The following RBFOX1 variants were observed in gnomAD, a reference collection of about 807,000 sequenced individuals.
RBFOX1 encodes RNA binding fox-1 homolog 1.
In RBFOX1, 8 loss-of-function variants were observed where a neutral mutation model predicts 57.7. The observed-to-expected ratio is 0.14, with a 90% confidence interval of 0.08 to 0.25. RBFOX1 has a LOEUF of 0.25. Ranked by LOEUF, RBFOX1 falls within the 10% of genes least tolerant of loss-of-function variation. RBFOX1 has a pLI of 1.00. For missense variants in RBFOX1, 611 were observed against 548.5 expected (o/e 1.11, Z -1.14); for synonymous variants, 326 against 222.4 (o/e 1.47, Z -4.15).
chr16:6,913,442 C>T (rs968070429), intron 3 of RBFOX1, among the ~76,000 whole-genome samples: 6 of 152,108 alleles, frequency 3.9e-5, no homozygotes, highest in Admixed American at 1.3e-4. Context: ...CTCTCATATC[C>T]CCCACCAGAC....
In RBFOX1 at chr16:5,993,868, G is replaced by C. The variant is rs148140270; in HGVS notation, c.351+126533G>C. 1.8e-4 allele frequency among the ~76,000 whole-genome samples: 28 copies of C among 152,272 alleles called. No individual in the cohort carries two copies. The East Asian group carries it at 4.6e-3, about 25-fold the overall frequency. On this transcript the variant is annotated intron_variant, in intron 4 of 19. Coordinates refer to the RBFOX1 transcript ENST00000641259. ...AATATAGGATAGGTAAGTCTGGGAA[G>C]ATGATGTATATTAATTCTTATTTAG...
intron 1 of RBFOX1, among the ~76,000 whole-genome samples, chr16:5,427,987 C>T (rs114375483): frequency 6.6e-6 from 1 of 152,188 alleles, no homozygotes; most frequent in African/African-American, 2.4e-5. Context: ...CTGCCATCCA[C>T]ACTGACATTG....
chr16:7,293,099 T>C (rs1002596458), intron 4 of RBFOX1, among the ~76,000 whole-genome samples: 1 of 152,204 alleles, frequency 6.6e-6, no homozygotes, highest in African/African-American at 2.4e-5. Context: ...ATGTGATAGA[T>C]ACCGTTGACC....
intron 2 of RBFOX1, among the ~76,000 whole-genome samples, chr16:6,355,344 C>T (rs1231140092): frequency 1.3e-5 from 2 of 151,408 alleles, no homozygotes; most frequent in African/African-American, 4.9e-5. Flanking sequence ...TCCATGTGTT[C>T]TCGTTGTTCA....
intron 1 of RBFOX1, among the ~76,000 whole-genome samples, chr16:5,429,644 G>C (rs530740567): frequency 6.6e-6 from 1 of 152,252 alleles, no homozygotes; most frequent in East Asian, 1.9e-4. Flanking sequence ...ATGAGGTGTG[G>C]GTGGCACAAA....
At position 7,118,661 on chromosome 16, in the gene RBFOX1, G is replaced by A. The variant is rs544093714; in HGVS notation, c.27+66563G>A. Among the ~76,000 whole-genome samples the A allele has an allele frequency of 7.2e-4, 110 of 152,232 alleles. No homozygotes were observed. The South Asian group carries it at 0.012, about 16-fold the overall frequency. ...GTCATATTCCATTGGTTAGAAACAAGTTGTGGGTCCTGCTCACATTCAAGG... is the reference window on the plus strand; with the variant it reads ...GTCATATTCCATTGGTTAGAAACAAATTGTGGGTCCTGCTCACATTCAAGG... On this transcript the variant is annotated intron_variant, in intron 4 of 15. Coordinates refer to ENST00000550418, the MANE Select transcript of RBFOX1 (RefSeq NM_018723.4).
intron 4 of RBFOX1, among the ~76,000 whole-genome samples, chr16:7,491,938 T>C (rs1044356656): frequency 1.3e-5 from 2 of 152,214 alleles, no homozygotes; most frequent in African/African-American, 4.8e-5. Context: ...GTGTTCCTTT[T>C]TTGTCATTCT....
At chr16:6,330,119 A>C (rs1308249968) in intron 2 of RBFOX1, among the ~76,000 whole-genome samples, 1 of 152,204 alleles carries the variant, frequency 6.6e-6, no homozygotes, top group Non-Finnish European at 1.5e-5. Context: ...TCTGTAGTTT[A>C]ATACTACATA....
At chr16:5,532,530 G>A (rs2044528342) in intron 2 of RBFOX1, among the ~76,000 whole-genome samples, 1 of 152,210 alleles carries the variant, frequency 6.6e-6, no homozygotes, top group African/African-American at 2.4e-5. Context: ...AATGGATAGT[G>A]TCATATCATT....
chr16:6,865,737 C>G lies in RBFOX1; in HGVS notation c.-15-186320C>G, dbSNP rs139963986. Among the ~76,000 whole-genome samples the G allele has an allele frequency of 5.8e-3, 885 of 152,158 alleles. 28 individuals are homozygous for G. Among genetic ancestry groups the G allele is most frequent in the Admixed American group, 0.04 (616 of 15,268 alleles). On this transcript the variant is annotated intron_variant, in intron 3 of 15. Transcript: ENST00000550418. Reference sequence around the variant, plus strand: ...TGCCTCTCATTTGCTATTTTATCACCTTTCACAAATAGGTTTATTTGTTGT... The same window carrying G: ...TGCCTCTCATTTGCTATTTTATCACGTTTCACAAATAGGTTTATTTGTTGT...
chr16:6,499,041 ATTAAC>A (rs143539914), intron 2 of RBFOX1, among the ~76,000 whole-genome samples: 63 of 152,328 alleles, frequency 4.1e-4, no homozygotes, highest in African/African-American at 1.5e-3. Flanking sequence ...CAGGTTAGTA[ATTAAC>A]TTATGTCACC....
intron 3 of RBFOX1, among the ~76,000 whole-genome samples, chr16:6,695,705 TG>T (rs2060944519): frequency 6.6e-6 from 1 of 152,208 alleles, no homozygotes; most frequent in African/African-American, 2.4e-5. Flanking sequence ...AGAAAGTGAA[TG>T]ACTGTCACTT....
At chr16:6,066,125 C>T (rs1299365443) in intron 1 of RBFOX1, among the ~76,000 whole-genome samples, 5 of 151,768 alleles carry the variant, frequency 3.3e-5, no homozygotes, top group African/African-American at 1.2e-4. Flanking sequence ...GAAACCCCCT[C>T]TCTACTAAAA....
intron 1 of RBFOX1, among the ~76,000 whole-genome samples, chr16:6,045,823 A>G (rs940361601): frequency 2.0e-5 from 3 of 152,220 alleles, no homozygotes; most frequent in Admixed American, 6.5e-5. Context: ...TTCTTGGAAG[A>G]AATGATGTTT....
intron 4 of RBFOX1, among the ~76,000 whole-genome samples, chr16:7,165,976 A>ACGTG (rs1245372902): frequency 3.4e-5 from 5 of 149,036 alleles, no homozygotes; most frequent in Non-Finnish European, 6.0e-5. Flanking sequence ...ATACATACAT[A>ACGTG]CACCCCAGAT....
intron 4 of RBFOX1, among the ~76,000 whole-genome samples, chr16:7,303,241 G>T (rs1487568432): frequency 6.6e-6 from 1 of 152,236 alleles, no homozygotes; most frequent in Non-Finnish European, 1.5e-5. Flanking sequence ...CGCCCCAAAC[G>T]CCCGGGGGTG....
chr16:6,853,818 A>T (rs964943798), intron 3 of RBFOX1, among the ~76,000 whole-genome samples: 1 of 152,202 alleles, frequency 6.6e-6, no homozygotes, highest in East Asian at 1.9e-4. Context: ...TTCCTCCCCA[A>T]CGGATGACTG....
chr16:6,213,870 G>A (rs2097314373), intron 1 of RBFOX1, among the ~76,000 whole-genome samples: 1 of 152,084 alleles, frequency 6.6e-6, no homozygotes, highest in Non-Finnish European at 1.5e-5. Context: ...GAGGGGATGG[G>A]GTCAGGGGAT....
chr16:6,932,326 C>G (rs889402036), intron 3 of RBFOX1, among the ~76,000 whole-genome samples: 5 of 152,122 alleles, frequency 3.3e-5, no homozygotes, highest in African/African-American at 9.7e-5. Flanking sequence ...AAGCTGGTCT[C>G]AAACTCCTGA....
Sources: gnomAD v4.1 joint callset for allele counts (sites outside exome capture counted in the v4.1 genomes callset) on GRCh38, gnomAD v4.1.1 for gene constraint, MANE v1.5 for transcripts, NCBI Gene and HGNC (gene_info 2026-07-23, HGNC 2026-07-21) for gene names.